HNRNPDL: variants seen among roughly 807,000 people sequenced by gnomAD.
HNRNPDL encodes the protein heterogeneous nuclear ribonucleoprotein D-like.
A neutral mutation model predicts 48.0 loss-of-function variants in HNRNPDL; 18 were observed. The observed-to-expected ratio is 0.38, with a 90% CI of 0.26 to 0.56. The LOEUF is 0.56. Among genes scored for constraint, HNRNPDL ranks in the 20% least tolerant of loss-of-function variants. The probability of loss-of-function intolerance (pLI) is 0.77; values close to 1 mark genes in which losing one functional copy is unlikely to be tolerated. For synonymous variants in HNRNPDL, 306 were observed against 207.3 expected, an observed-to-expected ratio of 1.48 and a Z score of -4.09; for missense variants, 553 against 540.7, an observed-to-expected ratio of 1.02 and a Z score of -0.23.
rs1721291513 is a variant in HNRNPDL, at chr4:82,423,753, C to G, written c.*1153G>C. 1 of 152,146 alleles carries G rather than the reference C, an allele frequency of 6.6e-6. No homozygotes were observed. Among genetic ancestry groups the G allele is most frequent in the Non-Finnish European group, 1.5e-5 (1 of 68,030 alleles). 9.4% of individuals were successfully genotyped at this position (152,146 alleles called of 1,614,324 possible). A position where few individuals can be genotyped will look rare whatever the true frequency, so the allele number is the denominator to read the frequency against. Reference sequence around the variant, plus strand: ...ATAAAACGGATTCTTTTCAATGCACCCAGAGGGTCCACTGTAATGACTCAG... The same window carrying G: ...ATAAAACGGATTCTTTTCAATGCACGCAGAGGGTCCACTGTAATGACTCAG... On this transcript the variant is annotated 3_prime_UTR_variant, in exon 8 of 8. Transcript: ENST00000295470.
intron 3 of HNRNPDL, 53 bp downstream of exon 3, chr4:82,427,964 AT>A: frequency 6.5e-7 from 1 of 1,546,094 alleles, no homozygotes; most frequent in Non-Finnish European, 8.9e-7. Context: ...TCGGACAAGG[AT>A]TGAACATTTT....
In HNRNPDL at chr4:82,426,647, C is replaced by T. The variant is rs990623084; in HGVS notation, c.1022-14G>A. 3.7e-6 allele frequency: 6 copies of T among 1,610,700 alleles called. No individual in the cohort carries two copies. The highest frequency in any genetic ancestry group is 5.1e-6 in the Non-Finnish European group (6 of 1,177,514). On this transcript the variant is annotated splice_polypyrimidine_tract_variant and intron_variant, in intron 5 of 7. Coordinates refer to ENST00000295470, the MANE Select transcript of HNRNPDL (RefSeq NM_031372.4). ...TTTGGCCCTGACCTGAAACAATGCA[C>T]AATGATTGTTAGGAAACAACTTCTG...
Position 82,429,538 on chromosome 4 carries a change from C to A in HNRNPDL, c.153G>T (p.Arg51=), listed in dbSNP as rs370944367. Residue 51 remains arginine, a synonymous_variant, in exon 1 of 8, where the codon CGG becomes CGT. Coordinates refer to ENST00000295470, the MANE Select transcript of HNRNPDL (RefSeq NM_031372.4). ...GGCGCTGGGCCCGGCGCGCCCCCTG[C>A]CGGGCGGAGCTGGGAGCGAGCGAAG... The part of the protein sequence containing the change: ...LLPSLAPSSA[R]QGARRAQRHV... 1.5e-5 allele frequency: 22 copies of A among 1,477,828 alleles called. No homozygotes were observed. Among genetic ancestry groups the A allele is most frequent in the Middle Eastern group, 2.1e-4 (1 of 4,658 alleles). 91.5% of individuals were successfully genotyped at this position (1,477,828 alleles called of 1,614,324 possible). A position where few individuals can be genotyped will look rare whatever the true frequency, so the allele number is the denominator to read the frequency against.
rs773441366 is a variant in HNRNPDL, at chr4:82,429,351, C to A, written c.340G>T (p.Ala114Ser). 4 of 1,613,618 alleles carry A rather than the reference C, an allele frequency of 2.5e-6. No individual in the cohort carries two copies. In the East Asian group the frequency reaches 8.9e-5, roughly 36 times the overall value. The change falls in exon 1 of 8, where the codon GCC becomes TCC. Residue 114 changes from alanine (A) to serine (S), a missense_variant. Transcript: ENST00000295470. ...ATRTARQHPP[A>S]DSSVTMEDMN... ...TCCTCCATAGTGACGGAGCTGTCGG[C>A]AGGGGGGTGCTGGCGCGCAGTCCGG...
chr4:82,429,409 G>C lies in HNRNPDL; in HGVS notation c.282C>G (p.Ser94=). The change falls in exon 1 of 8, where the codon TCC becomes TCG. Residue 94 remains serine, a synonymous_variant. Coordinates refer to ENST00000295470, the MANE Select transcript of HNRNPDL (RefSeq NM_031372.4). ...CAGCAGCGGCGGCGGAGCGTTGTAT[G>C]GAGCTGGATTTAAAATGGCGGCGGA... ...DLFRRHFKSS[S]IQRSAAAAAA... 1 of 1,613,402 alleles carries C rather than the reference G, an allele frequency of 6.2e-7. No individual in the cohort carries two copies. Among genetic ancestry groups the C allele is most frequent in the Non-Finnish European group, 8.5e-7 (1 of 1,179,784 alleles).
At chr4:82,425,532 C>T (rs1223566736) in intron 7 of HNRNPDL, 1 of 152,914 alleles carries the variant, frequency 6.5e-6, no homozygotes, top group Non-Finnish European at 1.5e-5. Flanking sequence ...TTAATCTTTA[C>T]GCTGGTACAT....
intron 1 of HNRNPDL, 127 bp downstream of exon 1, chr4:82,429,121 G>T: frequency 1.2e-6 from 1 of 844,098 alleles, no homozygotes. Flanking sequence ...CTCCAATCTA[G>T]TGGGGCCCAG....
chr4:82,425,527 C>A, intron 7 of HNRNPDL: 1 of 153,058 alleles, frequency 6.5e-6, no homozygotes, highest in Non-Finnish European at 1.5e-5. Flanking sequence ...CCACTTTAAT[C>A]TTTACGCTGG....
chr4:82,425,345 G>C (rs1721373501), intron 7 of HNRNPDL: 1 of 152,166 alleles, frequency 6.6e-6, no homozygotes, highest in African/African-American at 2.4e-5. Context: ...TTAAAAGAAT[G>C]AACACTTAAA....
chr4:82,426,828 T>G (rs1209224725), intron 5 of HNRNPDL, among the ~76,000 whole-genome samples, 195 bp from the exon 6 acceptor site: 1 of 152,164 alleles, frequency 6.6e-6, no homozygotes, highest in Non-Finnish European at 1.5e-5. Flanking sequence ...AGTATCAAAC[T>G]TCCTAAACTT....
chr4:82,423,971 C>CA lies in HNRNPDL; in HGVS notation c.*934dup, dbSNP rs1439455495. The CA allele has an allele frequency of 4.6e-5, 7 of 152,200 alleles. No individual in the cohort carries two copies. Among genetic ancestry groups the CA allele is most frequent in the African/African-American group, 1.4e-4 (6 of 41,444 alleles). The allele number at this position is 152,200 out of a possible 1,614,324, so 9.4% of individuals were successfully genotyped here. On this transcript the variant is annotated 3_prime_UTR_variant, in exon 8 of 8. Coordinates refer to ENST00000295470, the MANE Select transcript of HNRNPDL (RefSeq NM_031372.4). ...GCTAATACAACTTCCTCAGGATGCC[C>CA]AAACAGAAAACATTTTGTTCAATCT...
chr4:82,424,687 A>G lies in HNRNPDL; in HGVS notation c.*219T>C, dbSNP rs1372520138. The G allele has an allele frequency of 2.0e-5, 3 of 152,702 alleles. No individual in the cohort carries two copies. In the East Asian group the frequency reaches 5.8e-4, roughly 29 times the overall value. 9.5% of individuals were successfully genotyped at this position (152,702 alleles called of 1,614,324 possible). A position where few individuals can be genotyped will look rare whatever the true frequency, so the allele number is the denominator to read the frequency against. ...GAAATGATACAAATAAAATGTGTAT[A>G]AACAAATCCACATTGAGTCATAACA... On this transcript the variant is annotated 3_prime_UTR_variant, in exon 8 of 8. Coordinates refer to ENST00000295470, the MANE Select transcript of HNRNPDL (RefSeq NM_031372.4).
intron 5 of HNRNPDL, 81 bp from the exon 6 acceptor site, chr4:82,426,714 C>A (rs112774418): frequency 1.2e-5 from 14 of 1,144,598 alleles, no homozygotes; most frequent in African/African-American, 7.6e-5. Flanking sequence ...TTGTCTCTCA[C>A]TCTGCAAATC....
At position 82,428,300 on chromosome 4, in the gene HNRNPDL, T is replaced by C; in HGVS notation, c.590A>G (p.Lys197Arg). 2.5e-6 allele frequency: 4 copies of C among 1,613,186 alleles called. 1 individual carries two copies. In the South Asian group the frequency reaches 3.3e-5, roughly 13 times the overall value. ...RSRGFGFVLF[K>R]DAASVDKVLE... ...TACCTTATCAACACTAGCAGCATCT[T>C]TGAAAAGCACAAATCCAAATCCTCT... The change falls in exon 2 of 8, where the codon AAA (lysine) becomes AGA (arginine). Residue 197 changes from lysine to arginine, a missense_variant. By Grantham distance (26) the Lys-to-Arg change is conservative (BLOSUM62 2). Coordinates refer to ENST00000295470, the MANE Select transcript of HNRNPDL (RefSeq NM_031372.4).
rs1170516270 is a variant in HNRNPDL, at chr4:82,423,588, TTG to T, written c.*1316_*1317del. On this transcript the variant is annotated 3_prime_UTR_variant, in exon 8 of 8. Transcript: ENST00000295470. ...CTTACCAGTTTTGTGAGATCACCCG[TTG>T]TGTGAGATCAACTACTCTGCCTGTG... 5 of 151,880 alleles carry T rather than the reference TTG, an allele frequency of 3.3e-5. No individual in the cohort carries two copies. Among genetic ancestry groups the T allele is most frequent in the Non-Finnish European group, 7.4e-5 (5 of 68,006 alleles). 9.4% of individuals were successfully genotyped at this position (151,880 alleles called of 1,614,324 possible).
chr4:82,429,301 C>T lies in HNRNPDL; in HGVS notation c.390G>A (p.Glu130=). ...TGATCTTGGATCCCTCTGCGAATTCCTCTATATTGCTGTACTCGTTCATAT... is the reference window on the plus strand; with the variant it reads ...TGATCTTGGATCCCTCTGCGAATTCTTCTATATTGCTGTACTCGTTCATAT... The part of the protein sequence containing the change: ...MEDMNEYSNI[E]EFAEGSKINA... Residue 130 remains glutamate (E), a synonymous_variant, in exon 1 of 8, where the codon GAG becomes GAA. Transcript: ENST00000295470. The T allele has an allele frequency of 9.3e-6, 15 of 1,613,872 alleles. No individual in the cohort carries two copies. The highest frequency in any genetic ancestry group is 1.2e-5 in the Non-Finnish European group (14 of 1,179,922).
At chr4:82,425,499 G>A (rs1721378153) in intron 7 of HNRNPDL, 1 of 152,766 alleles carries the variant, frequency 6.5e-6, no homozygotes, top group Non-Finnish European at 1.5e-5. Context: ...TAAAAATGAA[G>A]CCAAAGTCTG....
Position 82,427,467 on chromosome 4 carries a change from A to G in HNRNPDL, c.872T>C (p.Leu291Ser). The G allele has an allele frequency of 6.2e-7, 1 of 1,610,400 alleles. No homozygotes were observed. Among genetic ancestry groups the G allele is most frequent in the Non-Finnish European group, 8.5e-7 (1 of 1,179,140 alleles). The change falls in exon 4 of 8, where the codon TTA becomes TCA. Residue 291 changes from leucine (L) to serine (S), a missense_variant. This residue lies in a region of HNRNPDL where 174 missense variants were observed against 204.6 expected (regional missense o/e 0.85). Coordinates refer to ENST00000295470, the MANE Select transcript of HNRNPDL (RefSeq NM_031372.4). Reference protein sequence around the residue: ...YTDEEPVKKLLESRYHQIGSG... With the variant: ...YTDEEPVKKLSESRYHQIGSG... ...ACCAATTTGATGGTATCTGCTTTCT[A>G]ACAATTTTTTTACTGGCTCTTCATC...
chr4:82,428,054 T>A lies in HNRNPDL; in HGVS notation c.738A>T (p.Glu246Asp). 6.2e-7 allele frequency: 1 copy of A among 1,614,200 alleles called. No individual in the cohort carries two copies. The highest frequency in any genetic ancestry group is 8.5e-7 in the Non-Finnish European group (1 of 1,180,026). The change falls in exon 3 of 8, where the codon GAA becomes GAT. Residue 246 changes from glutamate to aspartate, a missense_variant. Physicochemically the swap from Glu to Asp is conservative, Grantham distance 45. This residue lies in a region of HNRNPDL where 174 missense variants were observed against 204.6 expected (regional missense o/e 0.85). Coordinates refer to ENST00000295470, the MANE Select transcript of HNRNPDL (RefSeq NM_031372.4). ...CTCCAAAATATTCTTTAATTTGTTC[T>A]TCAGAAGTATCCGGGCTCAATCCAC... Reference protein sequence around the residue: ...FVGGLSPDTSEEQIKEYFGAF... With the variant: ...FVGGLSPDTSDEQIKEYFGAF...
Sources: allele counts gnomAD v4.1 joint callset (sites outside exome capture counted in the v4.1 genomes callset), GRCh38; gene constraint gnomAD v4.1.1; regional missense constraint gnomAD v4.1.1; transcripts MANE v1.5; gene names NCBI Gene and HGNC (gene_info 2026-07-23, HGNC 2026-07-21).